Variants in GAD1 observed in about 807,000 individuals in gnomAD.
GAD1 encodes glutamate decarboxylase 1, also known as 67 kDa glutamic acid decarboxylase.
A neutral mutation model predicts 75.2 loss-of-function variants in GAD1; 35 were observed. The ratio of observed to expected loss-of-function variants is 0.47; its 90% CI spans 0.36 to 0.62. The LOEUF (loss-of-function observed/expected upper bound fraction) is 0.62, where lower values mean the gene tolerates loss of function less well. Among genes scored for constraint, GAD1 ranks in the 20% least tolerant of loss-of-function variants. GAD1 has a pLI of 0.00. For synonymous variants in GAD1, 257 were observed against 271.9 expected, an observed-to-expected ratio of 0.95 and a Z score of 0.54; for missense variants, 490 against 758.5, an observed-to-expected ratio of 0.65 and a Z score of 4.16.
intron 3 of GAD1, among the ~76,000 whole-genome samples, chr2:170,827,376 T>C (rs946358894): frequency 6.6e-6 from 1 of 152,236 alleles, no homozygotes; most frequent in East Asian, 1.9e-4. Flanking sequence ...TTAGAACCTT[T>C]TTCCTCTTTT....
At chr2:170,834,564 C>T (rs757764550) in intron 5 of GAD1, among the ~76,000 whole-genome samples, 1 of 152,176 alleles carries the variant, frequency 6.6e-6, no homozygotes, top group Non-Finnish European at 1.5e-5. Context: ...ATATGCTGGA[C>T]TCCCTTCGTT....
rs1445726927 is a variant in GAD1 at position 170,829,639 on chromosome 2, C to T, written c.304+6C>T. 2 of 1,612,316 alleles carry T rather than the reference C, an allele frequency of 1.2e-6. No homozygotes were observed. The highest frequency in any genetic ancestry group is 2.7e-5 in the African/African-American group (2 of 74,894). On this transcript the variant is annotated splice_donor_region_variant and intron_variant, in intron 4 of 16. Transcript: ENST00000358196. ...CTCTAATCTGTTTGCTAGAGGTAGC[C>T]CCTGCCCCACTCCCGCCCCATGCTA...
At chr2:170,846,133 C>A in intron 10 of GAD1, 70 bp downstream of exon 10, 1 of 1,255,222 alleles carries the variant, frequency 8.0e-7, no homozygotes, top group Non-Finnish European at 1.2e-6. Flanking sequence ...CAAAAACAGT[C>A]CTTGATAATA....
In GAD1 at chr2:170,816,951, G is replaced by T. The variant is rs886055096; in HGVS notation, c.-161G>T. The T allele has an allele frequency of 1.2e-4, 24 of 194,290 alleles. No individual in the cohort carries two copies. The highest frequency in any genetic ancestry group is 2.1e-4 in the Non-Finnish European group (20 of 94,666). 12.0% of individuals were successfully genotyped at this position (194,290 alleles called of 1,614,324 possible). ...GAACGAGGAAGCAGCTGGAGGTGACGCCGGGCAGATTACGCCTGTCAGGGC... is the reference window on the plus strand; with the variant it reads ...GAACGAGGAAGCAGCTGGAGGTGACTCCGGGCAGATTACGCCTGTCAGGGC... On this transcript the variant is annotated 5_prime_UTR_variant, in exon 1 of 17. Transcript: ENST00000358196.
At chr2:170,817,252 C>A (rs1243407796) in intron 1 of GAD1, 5 of 145,234 alleles carry the variant, frequency 3.4e-5, no homozygotes, top group African/African-American at 1.3e-4. Flanking sequence ...TCCCTCGTCA[C>A]TCTTCTTATC....
At chr2:170,833,093 TTTC>T (rs368998408) in intron 5 of GAD1, among the ~76,000 whole-genome samples, 21 of 152,376 alleles carry the variant, frequency 1.4e-4, no homozygotes, top group African/African-American at 4.1e-4. Context: ...TCCTGTGTTC[TTTC>T]TTCTTCTTTG....
intron 6 of GAD1, among the ~76,000 whole-genome samples, chr2:170,838,988 T>C (rs993175171): frequency 6.6e-6 from 1 of 152,248 alleles, no homozygotes; most frequent in Non-Finnish European, 1.5e-5. Context: ...AACTATTATC[T>C]AGAAATTGTT....
Position 170,858,848 on chromosome 2 carries a change from C to A in GAD1, c.1566C>A (p.Leu522=), listed in dbSNP as rs755411011. 13 of 1,614,096 alleles carry A rather than the reference C, an allele frequency of 8.1e-6. No homozygotes were observed. Among genetic ancestry groups the A allele is most frequent in the Non-Finnish European group, 9.3e-6 (11 of 1,180,050 alleles). Residue 522 remains leucine, a synonymous_variant, in exon 16 of 17, where the codon CTC becomes CTA. Coordinates refer to ENST00000358196, the MANE Select transcript of GAD1 (RefSeq NM_000817.3). ...NVCFWYIPQS[L]RGVPDSPQRR... is the part of the protein sequence containing the mutation. ...GTTTTTGGTATATTCCACAAAGCCT[C>A]AGGGGTGTGCCAGACAGCCCTCAAC...
intron 10 of GAD1, among the ~76,000 whole-genome samples, chr2:170,846,832 C>T (rs888951371): frequency 1.3e-5 from 2 of 152,096 alleles, no homozygotes; most frequent in African/African-American, 2.4e-5. Flanking sequence ...ATAGGGTAAC[C>T]CACATCTCTG....
chr2:170,818,626 C>G lies in GAD1; in HGVS notation c.35C>G (p.Ser12Cys), dbSNP rs121918345. Residue 12 changes from serine (S) to cysteine (C), a missense_variant, in exon 2 of 17, where the codon TCC becomes TGC. By Grantham distance (112) the Ser-to-Cys change is moderately radical. This residue lies in a region of GAD1 where 165 missense variants were observed against 216.4 expected (regional missense o/e 0.76). Transcript: ENST00000358196. The surrounding 1 kb of genome is among the most constrained non-coding windows in gnomAD (Gnocchi z 5.9). ...ASSTPSSSAT[S>C]SNAGADPNTT... is the part of the protein sequence containing the mutation. ...TCGACCCCATCTTCGTCCGCAACCT[C>G]CTCGAACGCGGGAGCGGACCCCAAT... 32 of 1,614,076 alleles carry G rather than the reference C, an allele frequency of 2.0e-5. No individual in the cohort carries two copies. In the South Asian group the frequency reaches 3.0e-4, roughly 15 times the overall value.
chr2:170,845,299 C>T (rs1702605811), intron 7 of GAD1: 3 of 627,128 alleles, frequency 4.8e-6, no homozygotes, highest in Non-Finnish European at 5.7e-6. Flanking sequence ...GCCTAGATAG[C>T]TTTGGTAATA....
rs535674962 is a variant in GAD1, at chr2:170,852,667, T to C, written c.1185-47T>C. 2.0e-6 allele frequency: 3 copies of C among 1,527,600 alleles called. No individual in the cohort carries two copies. The South Asian group carries it at 3.4e-5, about 17-fold the overall frequency. 94.6% of individuals were successfully genotyped at this position (1,527,600 alleles called of 1,614,324 possible). The stretch of plus-strand genomic sequence containing the variant: ...TGTTTTCCTCAAGAGAACAGTTGCG[T>C]CTTTCCAACTCCTGCACCTTCTCGA... On this transcript the variant is annotated intron_variant, in intron 12 of 16. Transcript: ENST00000358196.
At position 170,853,270 on chromosome 2, in the gene GAD1, G is replaced by T. The variant is rs1431346848; in HGVS notation, c.1263+478G>T. The T allele has an allele frequency of 4.7e-6, 1 of 213,350 alleles. No homozygotes were observed. Among genetic ancestry groups the T allele is most frequent in the African/African-American group, 2.3e-5 (1 of 43,520 alleles). 13.2% of individuals were successfully genotyped at this position (213,350 alleles called of 1,614,324 possible). A position where few individuals can be genotyped will look rare whatever the true frequency, so the allele number is the denominator to read the frequency against. On this transcript the variant is annotated intron_variant, in intron 13 of 16. Coordinates refer to ENST00000358196, the MANE Select transcript of GAD1 (RefSeq NM_000817.3). This position sits in a 1 kb window ranked among gnomAD's most constrained non-coding sequence, Gnocchi z 4.1. ...ATTGCCCCAAAAGCTGCTGTAAATG[G>T]TTGAGCCTCATATTCCCTTCTTCAC... is the stretch of plus-strand genomic sequence containing the variant.
chr2:170,837,590 C>T (rs549914247), intron 6 of GAD1, among the ~76,000 whole-genome samples: 6 of 151,060 alleles, frequency 4.0e-5, no homozygotes, highest in Admixed American at 1.3e-4. Flanking sequence ...GATTACTAAT[C>T]GATGGAGGGG....
upstream of GAD1, among the ~76,000 whole-genome samples, chr2:170,814,714 C>T (rs1701665423): frequency 1.3e-5 from 2 of 152,190 alleles, no homozygotes. Flanking sequence ...CATTCCTCCC[C>T]TACTCACCAT....
intron 5 of GAD1, among the ~76,000 whole-genome samples, chr2:170,831,458 AAG>A (rs1702221147): frequency 6.6e-6 from 1 of 151,878 alleles, no homozygotes; most frequent in Non-Finnish European, 1.5e-5. Context: ...GTTCTGTATA[AAG>A]AGTTTTCATT....
intron 5 of GAD1, 124 bp downstream of exon 5, chr2:170,831,316 A>G: frequency 4.5e-6 from 5 of 1,111,388 alleles, no homozygotes; most frequent in Non-Finnish European, 6.8e-6. Flanking sequence ...AAGGCGGCAA[A>G]GTACCCAGTG....
At chr2:170,825,744 T>C (rs1384445503) in intron 3 of GAD1, among the ~76,000 whole-genome samples, 1 of 152,238 alleles carries the variant, frequency 6.6e-6, no homozygotes, top group East Asian at 1.9e-4. Context: ...GGCTGGCCAG[T>C]GTGCTAGCAC....
intron 3 of GAD1, among the ~76,000 whole-genome samples, chr2:170,827,949 C>T (rs1053925357): frequency 5.9e-5 from 9 of 152,102 alleles, no homozygotes; most frequent in African/African-American, 2.2e-4. Context: ...CAGAAAAATA[C>T]CACTTACGTT....
Sources: allele counts gnomAD v4.1 joint callset (sites outside exome capture counted in the v4.1 genomes callset), GRCh38; gene constraint gnomAD v4.1.1; regional missense constraint gnomAD v4.1.1; non-coding constraint Gnocchi (gnomAD v3.1); transcripts MANE v1.5; gene names NCBI Gene and HGNC (gene_info 2026-07-23, HGNC 2026-07-21).